SLIT2: variants seen among roughly 807,000 people sequenced by gnomAD.
SLIT2 encodes the protein slit homolog 2 protein.
SLIT2 carries 41 observed loss-of-function variants against 185.7 expected under a neutral mutation model. That is an observed-to-expected ratio of 0.22 (90% CI 0.17 to 0.29). The LOEUF (loss-of-function observed/expected upper bound fraction) is 0.29. Among genes scored for constraint, SLIT2 ranks in the 10% least tolerant of loss-of-function variants. SLIT2 has a pLI of 1.00. For synonymous variants in SLIT2, 693 were observed against 680.2 expected, an observed-to-expected ratio of 1.02 and a Z score of -0.29; for missense variants, 1,571 against 1,909.0, an observed-to-expected ratio of 0.82 and a Z score of 3.30.
intron 34 of SLIT2, among the ~76,000 whole-genome samples, chr4:20,611,061 A>G (rs2148980912): frequency 6.6e-6 from 1 of 152,342 alleles, no homozygotes; most frequent in African/African-American, 2.4e-5. Flanking sequence ...TGAATTGAGA[A>G]GCATTGGATT....
intron 11 of SLIT2, among the ~76,000 whole-genome samples, chr4:20,516,541 A>G (rs1577834112): frequency 1.3e-5 from 2 of 152,096 alleles, no homozygotes; most frequent in African/African-American, 4.8e-5. Flanking sequence ...TTCCTCCAAC[A>G]GTGTAGGACA....
intron 4 of SLIT2, among the ~76,000 whole-genome samples, chr4:20,349,123 C>T (rs1285636934): frequency 2.6e-5 from 4 of 152,076 alleles, no homozygotes; most frequent in African/African-American, 7.2e-5. Flanking sequence ...TATAGGAATT[C>T]GGTGTGGACA....
intron 4 of SLIT2, among the ~76,000 whole-genome samples, chr4:20,306,089 G>A (rs538574927): frequency 2.0e-5 from 3 of 152,068 alleles, no homozygotes; most frequent in Admixed American, 1.3e-4. Context: ...AGAAAAGGGA[G>A]AAAACAGGTA....
chr4:20,300,243 A>G (rs971852757), intron 4 of SLIT2, among the ~76,000 whole-genome samples: 5 of 152,128 alleles, frequency 3.3e-5, no homozygotes, highest in African/African-American at 1.2e-4. Flanking sequence ...GTCTACCACA[A>G]TGAATCATTT....
intron 4 of SLIT2, among the ~76,000 whole-genome samples, chr4:20,376,681 T>G (rs981230139): frequency 2.0e-5 from 3 of 152,140 alleles, no homozygotes; most frequent in African/African-American, 7.2e-5. Context: ...GAGGGAGTAT[T>G]CCTGGGCAGC....
At chr4:20,546,180 C>A (rs1337129660) in intron 22 of SLIT2, 81 bp downstream of exon 22, 3 of 721,838 alleles carry the variant, frequency 4.2e-6, no homozygotes, top group African/African-American at 3.6e-5. Context: ...ATTTAGTGAA[C>A]CTTCCAGATA....
chr4:20,480,691 T>G (rs754772778), intron 5 of SLIT2, 25 bp from the exon 6 acceptor site: 2 of 1,583,092 alleles, frequency 1.3e-6, no homozygotes, highest in East Asian at 2.2e-5. Flanking sequence ...CCCTTCTACA[T>G]ATATTCTTCT....
intron 9 of SLIT2, among the ~76,000 whole-genome samples, chr4:20,508,683 C>G (rs952109084): frequency 6.6e-4 from 100 of 151,958 alleles, no homozygotes; most frequent in African/African-American, 2.3e-3. Flanking sequence ...GTAAAACTCC[C>G]TGATCTGAGT....
intron 5 of SLIT2, among the ~76,000 whole-genome samples, chr4:20,475,031 G>A (rs778128935): frequency 2.0e-5 from 3 of 151,676 alleles, no homozygotes; most frequent in Non-Finnish European, 2.9e-5. Context: ...TCCTGAAAGA[G>A]CAGAGATGAT....
At position 20,598,728 on chromosome 4, in the gene SLIT2, A is replaced by T. The variant is rs563356444; in HGVS notation, c.3692+333A>T. On this transcript the variant is annotated intron_variant, in intron 33 of 36. Transcript: ENST00000504154. ...AGTTATGGAAACTCATGCTCTGTAA[A>T]GGCTTTGTAGAGAGGCTTGCCTGCC... is the stretch of plus-strand genomic sequence containing the variant. Among the ~76,000 whole-genome samples the T allele has an allele frequency of 2.7e-4, 41 of 152,226 alleles. 2 individuals carry two copies. The highest frequency in any genetic ancestry group is 2.5e-3 in the Admixed American group (38 of 15,272).
Position 20,539,348 on chromosome 4 carries a change from T to G in SLIT2, c.1833-93T>G, listed in dbSNP as rs1722591871. ...ATTTTTAAAAAGTAGTAATGAATGC[T>G]ACATATTTGCAAGGATCATTTCGAT... On this transcript the variant is annotated intron_variant, in intron 18 of 36. Coordinates refer to ENST00000504154, the MANE Select transcript of SLIT2 (RefSeq NM_004787.4). 2.7e-6 allele frequency: 3 copies of G among 1,093,934 alleles called. No individual in the cohort carries two copies. In the Admixed American group the frequency reaches 6.8e-5, roughly 25 times the overall value. 67.8% of individuals were successfully genotyped at this position (1,093,934 alleles called of 1,614,324 possible).
At chr4:20,545,985 G>T in intron 21 of SLIT2, 46 bp from the exon 22 acceptor site, 1 of 1,086,936 alleles carries the variant, frequency 9.2e-7, no homozygotes. Context: ...TTTATTCAAG[G>T]CCACCATTAC....
At chr4:20,438,848 A>G (rs1729542846) in intron 4 of SLIT2, among the ~76,000 whole-genome samples, 1 of 152,200 alleles carries the variant, frequency 6.6e-6, no homozygotes, top group Non-Finnish European at 1.5e-5. Context: ...AATGCGGTTT[A>G]TGTGTCATTT....
intron 9 of SLIT2, among the ~76,000 whole-genome samples, chr4:20,492,278 G>A (rs922811090): frequency 3.3e-5 from 5 of 152,188 alleles, no homozygotes; most frequent in Non-Finnish European, 5.9e-5. Flanking sequence ...ACAGTTAGGT[G>A]ATGCTCTGCC....
chr4:20,295,423 G>A (rs1285280084), intron 4 of SLIT2, among the ~76,000 whole-genome samples: 2 of 152,134 alleles, frequency 1.3e-5, no homozygotes, highest in African/African-American at 4.8e-5. Flanking sequence ...TTTGAACAAA[G>A]TCGACTTATG....
chr4:20,288,317 T>C (rs1715472545), intron 4 of SLIT2, among the ~76,000 whole-genome samples: 1 of 152,204 alleles, frequency 6.6e-6, no homozygotes, highest in African/African-American at 2.4e-5. Context: ...CCTTACCTCA[T>C]TGGCTTGTTG....
chr4:20,325,325 C>T lies in SLIT2; in HGVS notation c.395+56444C>T, dbSNP rs114904039. Among the ~76,000 whole-genome samples the T allele has an allele frequency of 4.8e-3, 698 of 146,468 alleles. 9 individuals carry two copies. Among genetic ancestry groups the T allele is most frequent in the African/African-American group, 0.017 (654 of 39,406 alleles). On this transcript the variant is annotated intron_variant, in intron 4 of 36. Transcript: ENST00000504154. ...CTCTGGGACAGCTTTAGTTTGGTGACCAACTCTGAGCCACTCACCTGTGGC... is the reference window on the plus strand; with the variant it reads ...CTCTGGGACAGCTTTAGTTTGGTGATCAACTCTGAGCCACTCACCTGTGGC...
intron 4 of SLIT2, among the ~76,000 whole-genome samples, chr4:20,380,312 T>C (rs952920284): frequency 1.3e-5 from 2 of 152,140 alleles, no homozygotes; most frequent in African/African-American, 4.8e-5. Flanking sequence ...TCCCAGAATA[T>C]AGTCCTATAA....
intron 3 of SLIT2, among the ~76,000 whole-genome samples, chr4:20,260,487 CT>C (rs1480574223): frequency 6.6e-6 from 1 of 151,492 alleles, no homozygotes; most frequent in Non-Finnish European, 1.5e-5. Context: ...TAATTTTATT[CT>C]TGTGTAATTT....
Sources: allele counts gnomAD v4.1 joint callset (sites outside exome capture counted in the v4.1 genomes callset), GRCh38; gene constraint gnomAD v4.1.1; transcripts MANE v1.5; gene names NCBI Gene and HGNC (gene_info 2026-07-23, HGNC 2026-07-21).